G3BP1: variants seen among roughly 807,000 people sequenced by gnomAD.
G3BP1 encodes G3BP stress granule assembly factor 1, also known as ras GTPase-activating protein-binding protein 1.
In G3BP1, 35 loss-of-function variants were observed where a neutral mutation model predicts 58.6. That is an observed-to-expected ratio of 0.60 (90% CI 0.46 to 0.79). The LOEUF is 0.79. G3BP1 is among the 30% of genes least tolerant of loss of function. The probability of loss-of-function intolerance (pLI) is 0.00; values close to 1 mark genes in which losing one functional copy is unlikely to be tolerated. For missense variants in G3BP1, 523 were observed against 580.8 expected, an observed-to-expected ratio of 0.90 and a Z score of 1.02; for synonymous variants, 191 against 195.4, an observed-to-expected ratio of 0.98 and a Z score of 0.19.
chr5:151,784,159 G>A (rs945430692), intron 1 of G3BP1, among the ~76,000 whole-genome samples: 8 of 152,168 alleles, frequency 5.3e-5, no homozygotes, highest in African/African-American at 1.4e-4. Flanking sequence ...GCAGTGGCAT[G>A]ATGATAGCTC....
chr5:151,798,875 C>T (rs1220806300), intron 7 of G3BP1, among the ~76,000 whole-genome samples: 1 of 151,848 alleles, frequency 6.6e-6, no homozygotes, highest in Admixed American at 6.6e-5. Flanking sequence ...GTGGGAGGAT[C>T]ACTTGAGCAC....
At position 151,794,197 on chromosome 5, in the gene G3BP1, C is replaced by T; in HGVS notation, c.390C>T (p.Ile130=). 6.2e-7 allele frequency: 1 copy of T among 1,610,934 alleles called. No individual in the cohort carries two copies. The highest frequency in any genetic ancestry group is 8.5e-7 in the Non-Finnish European group (1 of 1,177,212). Residue 130 remains isoleucine (I), a synonymous_variant, in exon 5 of 12, where the codon ATC becomes ATT. Transcript: ENST00000356245. ...ATAAATTCTATGTTCACAATGATATCTTCAGATACCAAGATGAGGTCTTTG... is the reference window on the plus strand; with the variant it reads ...ATAAATTCTATGTTCACAATGATATTTTCAGATACCAAGATGAGGTCTTTG... ...VANKFYVHND[I]FRYQDEVFGG...
chr5:151,795,405 T>G, intron 5 of G3BP1, 74 bp from the exon 6 acceptor site: 2 of 769,398 alleles, frequency 2.6e-6, no homozygotes, highest in Non-Finnish European at 4.4e-6. Context: ...TGTTGTTTTG[T>G]GAACATTGCG....
At chr5:151,796,796 T>C (rs781083200) in intron 6 of G3BP1, among the ~76,000 whole-genome samples, 3 of 152,204 alleles carry the variant, frequency 2.0e-5, no homozygotes, top group Non-Finnish European at 4.4e-5. Context: ...ATGACAGATA[T>C]CTAGGACTTT....
At position 151,810,192 on chromosome 5, in the gene G3BP1, C is replaced by G. The variant is rs908416996; in HGVS notation, c.*6101C>G. 1 of 152,206 alleles carries G rather than the reference C, an allele frequency of 6.6e-6. No homozygotes were observed. The highest frequency in any genetic ancestry group is 6.5e-5 in the Admixed American group (1 of 15,284). 9.4% of individuals were successfully genotyped at this position (152,206 alleles called of 1,614,324 possible). ...TCTCCCACTCTTCATGGAAGTGATGCTCCAGCCTTGCTAAAACACTGAGGG... is the reference window on the plus strand; with the variant it reads ...TCTCCCACTCTTCATGGAAGTGATGGTCCAGCCTTGCTAAAACACTGAGGG... On this transcript the variant is annotated 3_prime_UTR_variant, in exon 12 of 12. Coordinates refer to ENST00000356245, the MANE Select transcript of G3BP1 (RefSeq NM_005754.3).
intron 2 of G3BP1, 128 bp from the exon 3 acceptor site, chr5:151,790,195 C>T: frequency 2.0e-6 from 1 of 492,916 alleles, no homozygotes; most frequent in Non-Finnish European, 3.7e-6. Context: ...TGCATCACTG[C>T]ACTCCAGCCT....
chr5:151,794,295 T>G, intron 5 of G3BP1, 46 bp downstream of exon 5: 1 of 1,034,804 alleles, frequency 9.7e-7, no homozygotes, highest in Non-Finnish European at 1.5e-6. Flanking sequence ...TTTTTTTTAA[T>G]GGCATCCGAT....
At chr5:151,772,093 C>G (rs1168752249) in intron 1 of G3BP1, 57 bp downstream of exon 1, 2 of 152,320 alleles carry the variant, frequency 1.3e-5, no homozygotes, top group African/African-American at 2.4e-5. Context: ...AGCCGCAGCA[C>G]TTGTGAGAGG....
intron 1 of G3BP1, among the ~76,000 whole-genome samples, chr5:151,775,074 A>G (rs1277694380): frequency 6.6e-6 from 1 of 152,220 alleles, no homozygotes; most frequent in Non-Finnish European, 1.5e-5. Context: ...GTGGAAAGCA[A>G]TTTCAAAAAA....
intron 2 of G3BP1, among the ~76,000 whole-genome samples, chr5:151,787,559 T>A (rs1445886402): frequency 6.6e-6 from 1 of 152,336 alleles, no homozygotes; most frequent in East Asian, 1.9e-4. Flanking sequence ...TCCCATTAAT[T>A]TTAGTGGCTA....
chr5:151,795,225 G>A (rs142684391), intron 5 of G3BP1, among the ~76,000 whole-genome samples: 157 of 152,268 alleles, frequency 1.0e-3, no homozygotes, highest in Admixed American at 3.0e-3. Flanking sequence ...TCAATGAGCC[G>A]AGATCGCGCC....
At position 151,797,241 on chromosome 5, in the gene G3BP1, A is replaced by G; in HGVS notation, c.554A>G (p.Glu185Gly). 7 of 1,613,662 alleles carry G rather than the reference A, an allele frequency of 4.3e-6. No individual in the cohort carries two copies. Among genetic ancestry groups the G allele is most frequent in the Non-Finnish European group, 5.9e-6 (7 of 1,179,572 alleles). Reference sequence around the variant, plus strand: ...TCCTGTCAAAGTAATGACATGGAAGAACATTTAGAGGAGCCTGTTGCTGAA... The same window carrying G: ...TCCTGTCAAAGTAATGACATGGAAGGACATTTAGAGGAGCCTGTTGCTGAA... ...DQAVVSNDME[E>G]HLEEPVAEPE... The change falls in exon 7 of 12, where the codon GAA (glutamate) becomes GGA (glycine). Residue 185 changes from glutamate to glycine, a missense_variant. Glu to Gly is a moderately conservative substitution (Grantham distance 98, BLOSUM62 -2). Transcript: ENST00000356245.
rs918073887 is a variant in G3BP1 at position 151,805,229 on chromosome 5, T to C, written c.*1138T>C. The C allele has an allele frequency of 3.9e-5, 6 of 152,726 alleles. No individual in the cohort carries two copies. Among genetic ancestry groups the C allele is most frequent in the Middle Eastern group, 3.4e-3 (1 of 294 alleles). 9.5% of individuals were successfully genotyped at this position (152,726 alleles called of 1,614,324 possible). On this transcript the variant is annotated 3_prime_UTR_variant, in exon 12 of 12. Coordinates refer to ENST00000356245, the MANE Select transcript of G3BP1 (RefSeq NM_005754.3). Reference sequence around the variant, plus strand: ...GTGCTCGTGTCCGCATTTTTTTTTTTCTTAAAATCATAGCCATATGGTAAA... The same window carrying C: ...GTGCTCGTGTCCGCATTTTTTTTTTCCTTAAAATCATAGCCATATGGTAAA...
intron 1 of G3BP1, among the ~76,000 whole-genome samples, chr5:151,781,136 T>G (rs563054771): frequency 6.6e-6 from 1 of 152,322 alleles, no homozygotes; most frequent in East Asian, 1.9e-4. Context: ...AAAATATATG[T>G]GGATACTGTT....
chr5:151,790,813 G>GT (rs952115637), intron 3 of G3BP1, 76 bp from the exon 4 acceptor site: 56 of 833,686 alleles, frequency 6.7e-5, no homozygotes, highest in Non-Finnish European at 9.1e-5. Context: ...GTGTTGGAAG[G>GT]TTTTTTTTAG....
intron 4 of G3BP1, among the ~76,000 whole-genome samples, chr5:151,793,612 C>A (rs141564730): frequency 1.4e-3 from 208 of 152,172 alleles, no homozygotes; most frequent in African/African-American, 4.8e-3. Flanking sequence ...TTAACTAATT[C>A]TTTGTTGTGG....
Position 151,804,988 on chromosome 5 carries a change from C to G in G3BP1, c.*897C>G, listed in dbSNP as rs1251087437. Reference sequence around the variant, plus strand: ...GAGTATGTGGGGAATTATAGAATCCCTCTTTCATCACTTTGTGTATGTCTT... The same window carrying G: ...GAGTATGTGGGGAATTATAGAATCCGTCTTTCATCACTTTGTGTATGTCTT... On this transcript the variant is annotated 3_prime_UTR_variant, in exon 12 of 12. Coordinates refer to ENST00000356245, the MANE Select transcript of G3BP1 (RefSeq NM_005754.3). The G allele has an allele frequency of 6.6e-6, 1 of 152,422 alleles. No individual in the cohort carries two copies. Among genetic ancestry groups the G allele is most frequent in the Non-Finnish European group, 1.5e-5 (1 of 67,992 alleles). The allele number at this position is 152,422 out of a possible 1,614,324, so 9.4% of individuals were successfully genotyped here.
Position 151,806,808 on chromosome 5 carries a change from T to A in G3BP1, c.*2717T>A, listed in dbSNP as rs1332144023. 1 of 152,148 alleles carries A rather than the reference T, an allele frequency of 6.6e-6. No individual in the cohort carries two copies. Among genetic ancestry groups the A allele is most frequent in the Non-Finnish European group, 1.5e-5 (1 of 68,034 alleles). The allele number at this position is 152,148 out of a possible 1,614,324, so 9.4% of individuals were successfully genotyped here. The stretch of plus-strand genomic sequence containing the variant: ...CCATGAGATTTTTTTTTTAAATTTT[T>A]ATTTTTATAGAGGCAAGGTCTTGCT... On this transcript the variant is annotated 3_prime_UTR_variant, in exon 12 of 12. Transcript: ENST00000356245.
chr5:151,793,426 T>C (rs891342512), intron 4 of G3BP1, among the ~76,000 whole-genome samples: 1 of 152,204 alleles, frequency 6.6e-6, no homozygotes, highest in African/African-American at 2.4e-5. Flanking sequence ...GATTGCCTTA[T>C]AATGTTTTGA....
Sources: gnomAD v4.1 joint callset for allele counts (sites outside exome capture counted in the v4.1 genomes callset) on GRCh38, gnomAD v4.1.1 for gene constraint, MANE v1.5 for transcripts, NCBI Gene and HGNC (gene_info 2026-07-23, HGNC 2026-07-21) for gene names.